ABTB2: variants seen among roughly 807,000 people sequenced by gnomAD.
ABTB2 encodes ankyrin repeat and BTB domain containing 2, also known as ankyrin repeat and BTB/POZ domain-containing protein 2.
A neutral mutation model predicts 104.1 loss-of-function variants in ABTB2; 56 were observed. That is an observed-to-expected ratio of 0.54 (90% CI 0.43 to 0.67). The LOEUF is 0.67. Among genes scored for constraint, ABTB2 ranks in the 30% least tolerant of loss-of-function variants. The pLI is 0.00. For missense variants in ABTB2, 1,279 were observed against 1,407.7 expected (o/e 0.91, Z 1.46); for synonymous variants, 606 against 608.2 (o/e 1.00, Z 0.05).
chr11:34,201,931 A>G (rs1339196767), intron 2 of ABTB2, among the ~76,000 whole-genome samples: 1 of 152,186 alleles, frequency 6.6e-6, no homozygotes, highest in African/African-American at 2.4e-5. Context: ...CTCCTAACAC[A>G]TGAACATGCA....
At chr11:34,255,966 G>C (rs898876857) in intron 1 of ABTB2, among the ~76,000 whole-genome samples, 2 of 151,996 alleles carry the variant, frequency 1.3e-5, no homozygotes, top group African/African-American at 4.8e-5. Context: ...ATTTCCTTTC[G>C]GGCATCACTA....
intron 1 of ABTB2, among the ~76,000 whole-genome samples, chr11:34,279,753 G>A (rs1167687138): frequency 6.6e-6 from 1 of 151,062 alleles, no homozygotes; most frequent in Non-Finnish European, 1.5e-5. Context: ...TACAGCCAGT[G>A]ACTATTCTAA....
At chr11:34,306,203 C>A (rs796894959) in intron 1 of ABTB2, among the ~76,000 whole-genome samples, 225 of 146,170 alleles carry the variant, frequency 1.5e-3, no homozygotes, top group African/African-American at 5.6e-3. Context: ...AAGCTTGAAG[C>A]AAATGGCTCC....
chr11:34,172,235 G>A (rs1472978736), intron 4 of ABTB2, among the ~76,000 whole-genome samples: 1 of 151,304 alleles, frequency 6.6e-6, no homozygotes, highest in Non-Finnish European at 1.5e-5. Context: ...ACCCAGACGT[G>A]GTGGTGCGTG....
rs77506576 is a variant in ABTB2, at chr11:34,152,039, G to T, written c.*348C>A. 1,674 of 331,828 alleles carry T rather than the reference G, an allele frequency of 5.0e-3. 27 individuals carry two copies. The highest frequency in any genetic ancestry group is 0.032 in the African/African-American group (1,531 of 47,302). The allele number at this position is 331,828 out of a possible 1,614,324, so 20.6% of individuals were successfully genotyped here. On this transcript the variant is annotated 3_prime_UTR_variant, in exon 17 of 17. Transcript: ENST00000435224. Reference sequence around the variant, plus strand: ...CTGAGTTTACTGAGGCCCTAGGGGTGAGTAGAGCTTGGAGGGCCTGGGCGG... The same window carrying T: ...CTGAGTTTACTGAGGCCCTAGGGGTTAGTAGAGCTTGGAGGGCCTGGGCGG...
rs990931891 is a variant in ABTB2, at chr11:34,226,694, C to A, written c.884-22004G>T. On this transcript the variant is annotated intron_variant, in intron 1 of 16. Transcript: ENST00000435224. ...ATTTACCCTTTTAAAACATTTCATT[C>A]GCTGTTTTTAGTATATCAGAGTATG... is the stretch of plus-strand genomic sequence containing the variant. 2.0e-5 allele frequency among the ~76,000 whole-genome samples: 3 copies of A among 152,252 alleles called. No homozygotes were observed. In the East Asian group the frequency reaches 5.8e-4, roughly 29 times the overall value.
chr11:34,240,436 G>C lies in ABTB2; in HGVS notation c.884-35746C>G, dbSNP rs73495545. ...AAGAAACGGCTTTGCTTCCTTCAGT[G>C]CTGCCCTGCTGCCTGACAAGGATCC... On this transcript the variant is annotated intron_variant, in intron 1 of 16. Transcript: ENST00000435224. Among the ~76,000 whole-genome samples the C allele has an allele frequency of 9.3e-4, 142 of 152,324 alleles. 1 individual carries two copies. The highest frequency in any genetic ancestry group is 3.3e-3 in the African/African-American group (136 of 41,570).
chr11:34,278,857 A>G (rs1006222398), intron 1 of ABTB2, among the ~76,000 whole-genome samples: 13 of 152,196 alleles, frequency 8.5e-5, no homozygotes, highest in African/African-American at 3.1e-4. Flanking sequence ...CTTGGAAAAC[A>G]CTTAGGAGAT....
At chr11:34,304,391 G>A (rs1266237166) in intron 1 of ABTB2, among the ~76,000 whole-genome samples, 1 of 152,224 alleles carries the variant, frequency 6.6e-6, no homozygotes, top group Non-Finnish European at 1.5e-5. Flanking sequence ...GATTACAGGT[G>A]TAAGCCATTG....
At chr11:34,341,963 G>C (rs1029960615) in intron 1 of ABTB2, among the ~76,000 whole-genome samples, 1 of 152,136 alleles carries the variant, frequency 6.6e-6, no homozygotes, top group Non-Finnish European at 1.5e-5. Context: ...ACTTAGGAAA[G>C]GTTGCCACAT....
At chr11:34,307,750 G>A (rs530055161) in intron 1 of ABTB2, among the ~76,000 whole-genome samples, 2 of 151,470 alleles carry the variant, frequency 1.3e-5, no homozygotes, top group African/African-American at 2.4e-5. Flanking sequence ...CCAGGCTGGA[G>A]TGCAGTGGTG....
intron 3 of ABTB2, 125 bp downstream of exon 3, chr11:34,197,200 G>C (rs1853268731): frequency 3.8e-6 from 4 of 1,048,226 alleles, no homozygotes; most frequent in Non-Finnish European, 5.8e-6. Context: ...CTCCTCACAG[G>C]CATAGCACAG....
intron 1 of ABTB2, among the ~76,000 whole-genome samples, chr11:34,236,908 T>TG (rs1248894162): frequency 2.0e-5 from 3 of 152,152 alleles, no homozygotes; most frequent in African/African-American, 7.2e-5. Flanking sequence ...CTATTATCTG[T>TG]GGGGGAAATA....
rs548512777 is a variant in ABTB2 at position 34,279,445 on chromosome 11, T to C, written c.884-74755A>G. 5.3e-5 allele frequency among the ~76,000 whole-genome samples: 8 copies of C among 152,306 alleles called. No individual in the cohort carries two copies. In the South Asian group the frequency reaches 1.7e-3, roughly 32 times the overall value. ...CATTATAATCCTATAAAGAGCCTAC[T>C]ATTTTATTCCATTATACAGATGAGG... On this transcript the variant is annotated intron_variant, in intron 1 of 16. Coordinates refer to ENST00000435224, the MANE Select transcript of ABTB2 (RefSeq NM_145804.3).
chr11:34,155,411 C>T (rs1436981606), intron 14 of ABTB2, among the ~76,000 whole-genome samples: 3 of 152,226 alleles, frequency 2.0e-5, no homozygotes, highest in African/African-American at 7.2e-5. Flanking sequence ...CCTTGGGCTC[C>T]CAGATGAGGT....
At chr11:34,160,422 C>T in intron 11 of ABTB2, 69 bp from the exon 12 acceptor site, 1 of 1,147,024 alleles carries the variant, frequency 8.7e-7, no homozygotes, top group Middle Eastern at 1.9e-4. Flanking sequence ...GCAGATACGT[C>T]AGGCTAATTT....
At chr11:34,280,435 C>T (rs1039777956) in intron 1 of ABTB2, among the ~76,000 whole-genome samples, 1 of 152,136 alleles carries the variant, frequency 6.6e-6, no homozygotes, top group Non-Finnish European at 1.5e-5. Context: ...CCTCTGATGC[C>T]TGTGGCGACT....
rs1925368 is a variant in ABTB2 at position 34,356,834 on chromosome 11, G to C, written c.750C>G (p.His250Gln). The C allele has an allele frequency of 0.079, 127,164 of 1,605,368 alleles. 8,507 individuals are homozygous for C. Among genetic ancestry groups the C allele is most frequent in the East Asian group, 0.36 (15,818 of 44,514 alleles). Reference protein sequence around the residue: ...EEIRARVMASHSPDGGGAGGG... With the variant: ...EEIRARVMASQSPDGGGAGGG... ...CTCCGGCCCCTCCGCCATCAGGGCT[G>C]TGGCTGGCCATCACCCTGGCCCGGA... The change falls in exon 1 of 17, where the codon CAC becomes CAG. Residue 250 changes from histidine (H) to glutamine (Q), a missense_variant. By Grantham distance (24) the His-to-Gln change is conservative. Transcript: ENST00000435224. This position sits in a 1 kb window ranked among gnomAD's most constrained non-coding sequence, Gnocchi z 4.6.
chr11:34,357,179 TGCCCTGCGGAGCAGC>T lies in ABTB2; in HGVS notation c.390_404del (p.Leu132_Leu136del). The T allele has an allele frequency of 6.6e-7, 1 of 1,508,304 alleles. No individual in the cohort carries two copies. 93.4% of individuals were successfully genotyped at this position (1,508,304 alleles called of 1,614,324 possible). A position where few individuals can be genotyped will look rare whatever the true frequency, so the allele number is the denominator to read the frequency against. On this transcript the variant is annotated inframe_deletion, in exon 1 of 17. Coordinates refer to ENST00000435224, the MANE Select transcript of ABTB2 (RefSeq NM_145804.3). The stretch of plus-strand genomic sequence containing the variant: ...GCGCCTCGCGGGCCACGCGGATCAG[TGCCCTGCGGAGCAGC>T]CCGGCCAGGCGCCTCACCGCCTCGG...
Sources: gnomAD v4.1 joint callset for allele counts (sites outside exome capture counted in the v4.1 genomes callset) on GRCh38, gnomAD v4.1.1 for gene constraint, Gnocchi (gnomAD v3.1) non-coding constraint, MANE v1.5 for transcripts, NCBI Gene and HGNC (gene_info 2026-07-23, HGNC 2026-07-21) for gene names.